Variants in HEMK2 observed in about 807,000 individuals in gnomAD.
HEMK2 encodes methyltransferase HEMK2.
chr21:28,722,210 G>T, the HEMK2 span, among the ~76,000 whole-genome samples: 3 of 151,698 alleles, frequency 2.0e-5, no homozygotes, highest in Non-Finnish European at 2.9e-5. Flanking sequence ...GATTTTACTG[G>T]TTAAAAAAAA....
At chr21:28,676,543 C>G in the HEMK2 span, among the ~76,000 whole-genome samples, 2 of 151,826 alleles carry the variant, frequency 1.3e-5, no homozygotes, top group South Asian at 4.2e-4. Flanking sequence ...AATACAGAGA[C>G]AGCCAGGTGG....
the HEMK2 span, among the ~76,000 whole-genome samples, chr21:28,721,297 G>T: frequency 2.2e-4 from 33 of 151,704 alleles, no homozygotes; most frequent in African/African-American, 7.0e-4. Flanking sequence ...TGTATTTTTT[G>T]TAGAGAGAGG....
chr21:28,645,587 C>T, the HEMK2 span, among the ~76,000 whole-genome samples: 6 of 151,916 alleles, frequency 3.9e-5, no homozygotes, highest in African/African-American at 1.5e-4. Context: ...GATTCCTGAG[C>T]CCCATTGTTA....
the HEMK2 span, among the ~76,000 whole-genome samples, chr21:28,720,989 T>C: frequency 3.9e-5 from 6 of 152,216 alleles, no homozygotes; most frequent in Admixed American, 3.9e-4. Context: ...ACTTAATGTT[T>C]GACAGTATGG....
At chr21:28,804,197 A>G in the HEMK2 span, among the ~76,000 whole-genome samples, 12 of 152,130 alleles carry the variant, frequency 7.9e-5, no homozygotes, top group East Asian at 2.1e-3. Flanking sequence ...CCTTTTTCCC[A>G]TCTCTTCTAG....
At chr21:28,765,982 G>T in the HEMK2 span, among the ~76,000 whole-genome samples, 1 of 152,058 alleles carries the variant, frequency 6.6e-6, no homozygotes, top group African/African-American at 2.4e-5. Context: ...CCATAAAAAA[G>T]AATGAGTTCA....
At chr21:28,743,577 G>A in the HEMK2 span, among the ~76,000 whole-genome samples, 41,574 of 151,252 alleles carry the variant, frequency 0.27, 6,091 homozygotes, top group East Asian at 0.52. Flanking sequence ...AGGAAGGAGA[G>A]AAGGTGAAGG....
chr21:28,589,501 T>C, the HEMK2 span, among the ~76,000 whole-genome samples: 1 of 152,318 alleles, frequency 6.6e-6, no homozygotes, highest in East Asian at 1.9e-4. Flanking sequence ...ACTCTATTGA[T>C]AAACTCGTTT....
At chr21:28,766,813 A>T in the HEMK2 span, among the ~76,000 whole-genome samples, 3 of 152,234 alleles carry the variant, frequency 2.0e-5, no homozygotes, top group East Asian at 1.9e-4. Context: ...ACACAAAGGC[A>T]TAAGAACAAT....
the HEMK2 span, among the ~76,000 whole-genome samples, chr21:28,610,065 A>G: frequency 2.6e-5 from 4 of 152,182 alleles, no homozygotes; most frequent in Non-Finnish European, 4.4e-5. Context: ...AACACCTGGG[A>G]AATTCATCAC....
At chr21:28,785,940 T>A in the HEMK2 span, among the ~76,000 whole-genome samples, 24 of 152,248 alleles carry the variant, frequency 1.6e-4, no homozygotes, top group Non-Finnish European at 2.9e-4. Flanking sequence ...CTGAGAAAAC[T>A]TTAAAAGTGA....
At chr21:28,634,643 T>C in the HEMK2 span, among the ~76,000 whole-genome samples, 1 of 152,272 alleles carries the variant, frequency 6.6e-6, no homozygotes, top group East Asian at 1.9e-4. Flanking sequence ...ACATTAGAAA[T>C]AGGATTTGAG....
the HEMK2 span, among the ~76,000 whole-genome samples, chr21:28,747,806 G>A: frequency 6.6e-6 from 1 of 152,238 alleles, no homozygotes; most frequent in African/African-American, 2.4e-5. Context: ...TCAGAAGCAG[G>A]ATGAGCACTG....
chr21:28,865,243 G>A, the HEMK2 span, among the ~76,000 whole-genome samples: 1 of 152,200 alleles, frequency 6.6e-6, no homozygotes, highest in East Asian at 1.9e-4. Flanking sequence ...TCCACTCACT[G>A]CAACCTCCGC....
chr21:28,649,897 T>TA, the HEMK2 span, among the ~76,000 whole-genome samples: 1 of 152,146 alleles, frequency 6.6e-6, no homozygotes. Context: ...AACAAAAGTT[T>TA]AAAAGCATGA....
the HEMK2 span, among the ~76,000 whole-genome samples, chr21:28,674,120 C>T: frequency 1.6e-4 from 24 of 152,134 alleles, no homozygotes; most frequent in Admixed American, 5.9e-4. Flanking sequence ...AGCAAGATGG[C>T]GACAAGAGTA....
the HEMK2 span, among the ~76,000 whole-genome samples, chr21:28,633,886 C>T: frequency 6.6e-6 from 1 of 152,282 alleles, no homozygotes; most frequent in Admixed American, 6.5e-5. Flanking sequence ...ACCAGGAAAA[C>T]GTTAGGGCGG....
chr21:28,619,499 T>C, the HEMK2 span, among the ~76,000 whole-genome samples: 1 of 152,210 alleles, frequency 6.6e-6, no homozygotes, highest in Non-Finnish European at 1.5e-5. Flanking sequence ...ATGACATTTG[T>C]GAAGCATTCA....
At chr21:28,715,732 GAGTATT>G in the HEMK2 span, among the ~76,000 whole-genome samples, 1 of 152,048 alleles carries the variant, frequency 6.6e-6, no homozygotes, top group Non-Finnish European at 1.5e-5. Context: ...ATGTCCACAA[GAGTATT>G]TCCTTGATTT....
Sources: allele counts gnomAD v4.1 joint callset (sites outside exome capture counted in the v4.1 genomes callset), GRCh38; gene constraint gnomAD v4.1.1; transcripts MANE v1.5; gene names NCBI Gene and HGNC (gene_info 2026-07-23, HGNC 2026-07-21).